Variants in KCNH1 observed in about 807,000 individuals in gnomAD.
KCNH1 encodes potassium voltage-gated channel subfamily H member 1, also known as voltage-gated delayed rectifier potassium channel KCNH1.
In KCNH1, 27 loss-of-function variants were observed where a neutral mutation model predicts 69.2. That is an observed-to-expected ratio of 0.39 (90% CI 0.29 to 0.54). The LOEUF (loss-of-function observed/expected upper bound fraction) is 0.54, where lower values mean the gene tolerates loss of function less well. KCNH1 is among the 20% of genes least tolerant of loss of function. KCNH1 has a pLI of 0.68. For missense variants in KCNH1, 798 were observed against 1,261.6 expected, an observed-to-expected ratio of 0.63 and a Z score of 5.57; for synonymous variants, 456 against 487.7, an observed-to-expected ratio of 0.93 and a Z score of 0.86.
intron 7 of KCNH1, among the ~76,000 whole-genome samples, chr1:210,899,092 G>A (rs1469027272): frequency 6.6e-6 from 1 of 152,164 alleles, no homozygotes; most frequent in East Asian, 1.9e-4. Flanking sequence ...AATTCCCAAA[G>A]TGTGACCAGG....
intron 4 of KCNH1, among the ~76,000 whole-genome samples, chr1:211,089,872 T>C (rs561863256): frequency 1.3e-5 from 2 of 152,340 alleles, no homozygotes; most frequent in African/African-American, 4.8e-5. Flanking sequence ...ACATGCCATC[T>C]TTTTTATATC....
At chr1:211,043,580 A>C (rs140690480) in intron 5 of KCNH1, among the ~76,000 whole-genome samples, 1 of 152,288 alleles carries the variant, frequency 6.6e-6, no homozygotes, top group African/African-American at 2.4e-5. Flanking sequence ...ATCCTCCCTA[A>C]ATCATTCTAT....
At chr1:210,944,553 C>A (rs1687924659) in intron 6 of KCNH1, among the ~76,000 whole-genome samples, 1 of 152,174 alleles carries the variant, frequency 6.6e-6, no homozygotes, top group Non-Finnish European at 1.5e-5. Flanking sequence ...GAGGGGACCC[C>A]AGGGGTCACT....
At chr1:210,782,289 A>G (rs535113967) in intron 9 of KCNH1, among the ~76,000 whole-genome samples, 61 of 152,254 alleles carry the variant, frequency 4.0e-4, no homozygotes, top group Non-Finnish European at 6.9e-4. Context: ...GTGGCTAATC[A>G]TACCAACCTG....
chr1:210,749,719 A>G (rs4951563), intron 10 of KCNH1, among the ~76,000 whole-genome samples: 24,625 of 149,946 alleles, frequency 0.16, 3,161 homozygotes, highest in African/African-American at 0.36. Context: ...GGACCCCTGC[A>G]TGACAGGAGC....
chr1:210,964,050 G>T (rs540650391), intron 6 of KCNH1, among the ~76,000 whole-genome samples: 1 of 152,236 alleles, frequency 6.6e-6, no homozygotes, highest in African/African-American at 2.4e-5. Context: ...GAGAAAGGTT[G>T]GGTTACCCAC....
At chr1:210,999,356 C>A (rs1394022603) in intron 6 of KCNH1, among the ~76,000 whole-genome samples, 1 of 152,122 alleles carries the variant, frequency 6.6e-6, no homozygotes, top group Non-Finnish European at 1.5e-5. Flanking sequence ...CACAGAAATA[C>A]AAACTACCAT....
intron 6 of KCNH1, among the ~76,000 whole-genome samples, chr1:210,987,893 G>A (rs1045803034): frequency 2.0e-5 from 3 of 152,230 alleles, no homozygotes; most frequent in Non-Finnish European, 2.9e-5. Context: ...GGAGCCTACA[G>A]AGGCAGGCAG....
chr1:210,885,702 G>A (rs1029405777), intron 7 of KCNH1, among the ~76,000 whole-genome samples: 1 of 152,134 alleles, frequency 6.6e-6, no homozygotes. Flanking sequence ...CTTGAGCTTG[G>A]TAGGGGGAGA....
intron 6 of KCNH1, among the ~76,000 whole-genome samples, chr1:211,016,922 A>AGAAAAT (rs139001420): frequency 6.8e-6 from 1 of 146,492 alleles, no homozygotes; most frequent in East Asian, 2.1e-4. Context: ...AAAAAAAAAA[A>AGAAAAT]TTTTAAAATT....
chr1:210,766,379 G>A (rs1353136424), intron 10 of KCNH1, among the ~76,000 whole-genome samples: 1 of 152,140 alleles, frequency 6.6e-6, no homozygotes, highest in Non-Finnish European at 1.5e-5. Flanking sequence ...TACAAAATTA[G>A]CTGGGCATAG....
intron 7 of KCNH1, among the ~76,000 whole-genome samples, chr1:210,806,834 A>ATATTTATAT (rs1684584583): frequency 1.5e-5 from 1 of 67,800 alleles, no homozygotes; most frequent in African/African-American, 5.5e-5. Context: ...AAAAAAAAAA[A>ATATTTATAT]AAATATATAT....
At chr1:210,742,946 A>G (rs992616160) in intron 10 of KCNH1, among the ~76,000 whole-genome samples, 2 of 152,168 alleles carry the variant, frequency 1.3e-5, no homozygotes, top group Non-Finnish European at 1.5e-5. Context: ...TGCATTATTT[A>G]TTGGTCCAAA....
chr1:210,920,535 G>T (rs998431981), intron 6 of KCNH1, among the ~76,000 whole-genome samples: 1 of 152,016 alleles, frequency 6.6e-6, no homozygotes, highest in Non-Finnish European at 1.5e-5. Context: ...GAAAATGGTT[G>T]GGAAATACAC....
intron 7 of KCNH1, among the ~76,000 whole-genome samples, chr1:210,914,965 A>C (rs1428938994): frequency 6.6e-6 from 1 of 152,182 alleles, no homozygotes; most frequent in Non-Finnish European, 1.5e-5. Context: ...ACTTACAATG[A>C]CAGGATGACA....
At chr1:211,010,383 A>C (rs1689371949) in intron 6 of KCNH1, among the ~76,000 whole-genome samples, 1 of 152,018 alleles carries the variant, frequency 6.6e-6, no homozygotes, top group African/African-American at 2.4e-5. Context: ...ATGAGATCCC[A>C]CCCTAATGGA....
chr1:210,948,059 A>AG (rs397802601), intron 6 of KCNH1, among the ~76,000 whole-genome samples: 2 of 150,256 alleles, frequency 1.3e-5, no homozygotes, highest in East Asian at 3.9e-4. Flanking sequence ...AAAAAAAAAA[A>AG]GGAAAAAATT....
At chr1:210,697,648 T>C (rs928097450) in intron 10 of KCNH1, among the ~76,000 whole-genome samples, 1 of 152,264 alleles carries the variant, frequency 6.6e-6, no homozygotes, top group Non-Finnish European at 1.5e-5. Flanking sequence ...TACACTCATG[T>C]TATTGCCACT....
At chr1:211,118,708 G>T (rs1260499468) in intron 1 of KCNH1, among the ~76,000 whole-genome samples, 1 of 152,190 alleles carries the variant, frequency 6.6e-6, no homozygotes, top group Non-Finnish European at 1.5e-5. Context: ...AGTCAGAAGT[G>T]TCAAAATCAT....
Sources: allele counts gnomAD v4.1 joint callset (sites outside exome capture counted in the v4.1 genomes callset), GRCh38; gene constraint gnomAD v4.1.1; transcripts MANE v1.5; gene names NCBI Gene and HGNC (gene_info 2026-07-23, HGNC 2026-07-21).